The following CHL1 variants were observed in gnomAD, a reference collection of about 807,000 sequenced individuals.
CHL1 encodes neural cell adhesion molecule L1-like protein.
Under a neutral mutation model 141.9 loss-of-function variants are expected in CHL1, and 96 were observed. The observed-to-expected ratio is 0.68, with a 90% confidence interval of 0.57 to 0.80. CHL1 has a LOEUF of 0.80. Ranked by LOEUF, CHL1 falls within the 30% of genes least tolerant of loss-of-function variation. CHL1 has a pLI of 0.00. For synonymous variants in CHL1, 613 were observed against 502.2 expected (o/e 1.22, Z -2.95); for missense variants, 1,820 against 1,457.2 (o/e 1.25, Z -4.05).
intron 11 of CHL1, among the ~76,000 whole-genome samples, chr3:355,721 C>T (rs116338668): frequency 2.0e-5 from 3 of 152,092 alleles, no homozygotes; most frequent in South Asian, 2.1e-4. Flanking sequence ...CCCAAGCTTA[C>T]GTTTTTTAAA....
chr3:315,918 A>T (rs546997050), intron 2 of CHL1, among the ~76,000 whole-genome samples: 2 of 152,172 alleles, frequency 1.3e-5, no homozygotes, highest in East Asian at 1.9e-4. Flanking sequence ...AGTGAGAGAG[A>T]GGGGCTTCCC....
intron 26 of CHL1, 62 bp downstream of exon 26, chr3:399,210 T>G (rs1176231569): frequency 1.3e-5 from 19 of 1,411,156 alleles, no homozygotes; most frequent in Non-Finnish European, 1.6e-5. Flanking sequence ...GAAGCATTCT[T>G]CAGAGACAAC....
chr3:363,471 T>C, intron 14 of CHL1, 88 bp downstream of exon 14: 1 of 1,198,994 alleles, frequency 8.3e-7, no homozygotes, highest in South Asian at 1.5e-5. Flanking sequence ...ACCATTTAAG[T>C]TGGAGTACCA....
intron 2 of CHL1, among the ~76,000 whole-genome samples, chr3:282,288 T>C (rs1696733336): frequency 6.6e-6 from 1 of 152,250 alleles, no homozygotes; most frequent in Non-Finnish European, 1.5e-5. Context: ...TCCTTGGCTG[T>C]TATTGTCATA....
intron 26 of CHL1, among the ~76,000 whole-genome samples, chr3:400,165 G>A (rs1317441689): frequency 6.6e-6 from 1 of 152,170 alleles, no homozygotes; most frequent in Admixed American, 6.5e-5. Context: ...TCAGATATAT[G>A]AGAAGTTCAT....
At chr3:302,032 A>T (rs139246392) in intron 2 of CHL1, among the ~76,000 whole-genome samples, 5 of 152,230 alleles carry the variant, frequency 3.3e-5, no homozygotes, top group African/African-American at 1.2e-4. Context: ...GCTTGCTGAG[A>T]ATGATGGTTT....
At chr3:221,462 G>A (rs1574748666) in intron 1 of CHL1, among the ~76,000 whole-genome samples, 1 of 152,186 alleles carries the variant, frequency 6.6e-6, no homozygotes, top group South Asian at 2.1e-4. Flanking sequence ...GTGTTTATGT[G>A]TAGCAGACCC....
At chr3:337,075 G>T (rs1163144897) in intron 5 of CHL1, among the ~76,000 whole-genome samples, 2 of 152,142 alleles carry the variant, frequency 1.3e-5, no homozygotes, top group African/African-American at 4.8e-5. Flanking sequence ...AAAGATAGAT[G>T]CTGTGATATG....
intron 27 of CHL1, among the ~76,000 whole-genome samples, chr3:404,772 C>G (rs912572057): frequency 6.9e-4 from 105 of 152,166 alleles, no homozygotes; most frequent in African/African-American, 2.4e-3. Context: ...CCAGGAGCTC[C>G]AAAAGTTCAT....
chr3:363,181 C>G (rs1704454471), intron 13 of CHL1, 36 bp from the exon 14 acceptor site: 10 of 1,580,592 alleles, frequency 6.3e-6, no homozygotes, highest in African/African-American at 1.4e-5. Flanking sequence ...CAATTTTGCC[C>G]TACCTCAGAT....
intron 5 of CHL1, among the ~76,000 whole-genome samples, chr3:331,188 T>C (rs1017037893): frequency 7.1e-6 from 1 of 141,260 alleles, no homozygotes; most frequent in African/African-American, 2.6e-5. Context: ...TCTTTTCCTT[T>C]CTTTTCTTCC....
chr3:307,413 G>T (rs907974719), intron 2 of CHL1, among the ~76,000 whole-genome samples: 1 of 152,200 alleles, frequency 6.6e-6, no homozygotes, highest in Non-Finnish European at 1.5e-5. Context: ...CATTGTGACA[G>T]AAATCTGCAA....
chr3:225,499 A>G (rs983129404), intron 1 of CHL1, among the ~76,000 whole-genome samples: 19 of 152,252 alleles, frequency 1.2e-4, no homozygotes, highest in African/African-American at 4.6e-4. Flanking sequence ...GCACGAGAAT[A>G]GTATGTGAGA....
chr3:291,177 G>C (rs1697660459), intron 2 of CHL1, among the ~76,000 whole-genome samples: 1 of 151,868 alleles, frequency 6.6e-6, no homozygotes, highest in Non-Finnish European at 1.5e-5. Flanking sequence ...AAGGTAAAGA[G>C]GAAGAGGTTG....
chr3:330,903 A>C (rs185592737), intron 5 of CHL1, among the ~76,000 whole-genome samples: 30 of 152,292 alleles, frequency 2.0e-4, no homozygotes, highest in African/African-American at 5.3e-4. Context: ...ACCCAGAAAC[A>C]GACCATCACA....
chr3:318,111 T>A (rs1394165210), intron 2 of CHL1, among the ~76,000 whole-genome samples: 1 of 151,892 alleles, frequency 6.6e-6, no homozygotes, highest in East Asian at 1.9e-4. Flanking sequence ...GGTAGTATTT[T>A]CTTTTATGAT....
intron 24 of CHL1, among the ~76,000 whole-genome samples, chr3:395,363 T>C (rs1326013539): frequency 6.6e-6 from 1 of 152,230 alleles, no homozygotes; most frequent in African/African-American, 2.4e-5. Flanking sequence ...AGCAACTGTC[T>C]GGGAAATGGC....
chr3:391,873 G>A, intron 23 of CHL1, 76 bp downstream of exon 23: 1 of 1,175,948 alleles, frequency 8.5e-7, no homozygotes, highest in Admixed American at 2.4e-5. Context: ...GCTATGTTGG[G>A]AGTCTAATGA....
chr3:202,808 T>A (rs61267778), intron 1 of CHL1, among the ~76,000 whole-genome samples: 2 of 152,212 alleles, frequency 1.3e-5, no homozygotes, highest in East Asian at 3.8e-4. Flanking sequence ...AGATCTCAAA[T>A]GTGCTTTTCA....
Sources: allele counts gnomAD v4.1 joint callset (sites outside exome capture counted in the v4.1 genomes callset), GRCh38; gene constraint gnomAD v4.1.1; transcripts MANE v1.5; gene names NCBI Gene and HGNC (gene_info 2026-07-23, HGNC 2026-07-21).